Variants in ANKRD12 observed in about 807,000 individuals in gnomAD.
ANKRD12 encodes the protein ankyrin repeat domain 12, also known as ankyrin repeat domain-containing protein 12.
Under a neutral mutation model 183.4 loss-of-function variants are expected in ANKRD12, and 85 were observed. That is an observed-to-expected ratio of 0.46 (90% CI 0.39 to 0.56). The LOEUF (loss-of-function observed/expected upper bound fraction) is 0.56. Among genes scored for constraint, ANKRD12 ranks in the 20% least tolerant of loss-of-function variants. ANKRD12 has a pLI of 0.00. For missense variants in ANKRD12, 2,405 were observed against 2,357.1 expected (o/e 1.02, Z -0.42); for synonymous variants, 914 against 800.2 (o/e 1.14, Z -2.40).
Position 9,251,666 on chromosome 18 carries a change from C to T in ANKRD12, c.944-2545C>T, listed in dbSNP as rs183676253. Among the ~76,000 whole-genome samples the T allele has an allele frequency of 1.7e-3, 264 of 152,072 alleles. 1 individual carries two copies. Among genetic ancestry groups the T allele is most frequent in the South Asian group, 0.013 (61 of 4,808 alleles). The stretch of plus-strand genomic sequence containing the variant: ...AAAATTAGACATGCGTGGTGGCAGG[C>T]GCCTGTAGTCCCAGCTACTTGGGAG... On this transcript the variant is annotated intron_variant, in intron 8 of 12. Transcript: ENST00000262126.
intron 8 of ANKRD12, among the ~76,000 whole-genome samples, chr18:9,242,693 G>A (rs902433809): frequency 1.3e-5 from 2 of 152,150 alleles, no homozygotes; most frequent in Admixed American, 6.5e-5. Context: ...CTGTTTTACT[G>A]ATAATTTAGT....
intron 9 of ANKRD12, among the ~76,000 whole-genome samples, chr18:9,263,310 C>G (rs1219500773): frequency 6.6e-6 from 1 of 152,194 alleles, no homozygotes; most frequent in African/African-American, 2.4e-5. Flanking sequence ...AACAATTTCT[C>G]AGACCATTTC....
Position 9,254,237 on chromosome 18 carries a change from C to T in ANKRD12, c.970C>T (p.Pro324Ser), listed in dbSNP as rs2038465554. 6.3e-7 allele frequency: 1 copy of T among 1,575,784 alleles called. No homozygotes were observed. The highest frequency in any genetic ancestry group is 1.9e-5 in the Admixed American group (1 of 51,616). ...TTCCGAAGAGGCTCAATCTGTAAAT[C>T]CTTCTAGTGTTGATGAAAATATTGA... ...TDSEEAQSVNPSSVDENIDSE... is the reference protein window; with the variant it reads ...TDSEEAQSVNSSSVDENIDSE... Residue 324 changes from proline to serine, a missense_variant, in exon 9 of 13, where the codon CCT (proline) becomes TCT (serine). By Grantham distance (74) the Pro-to-Ser change is moderately conservative (BLOSUM62 -1). This residue lies in a region of ANKRD12 where 1,983 missense variants were observed against 1,725.9 expected (regional missense o/e 1.15). Transcript: ENST00000262126.
intron 1 of ANKRD12, among the ~76,000 whole-genome samples, chr18:9,137,351 GC>G (rs1469307946): frequency 2.0e-5 from 3 of 146,624 alleles, no homozygotes; most frequent in African/African-American, 7.3e-5. Flanking sequence ...CGTCGCGGGC[GC>G]CCCTCACCGC....
chr18:9,259,611 G>C (rs2038851008), intron 9 of ANKRD12: 1 of 152,084 alleles, frequency 6.6e-6, no homozygotes, highest in East Asian at 1.9e-4. Flanking sequence ...GTCAAATATT[G>C]TTCTAAAAGA....
intron 4 of ANKRD12, among the ~76,000 whole-genome samples, chr18:9,207,756 A>C (rs1472566127): frequency 6.6e-6 from 1 of 152,116 alleles, no homozygotes; most frequent in East Asian, 1.9e-4. Flanking sequence ...GGATCAGTAC[A>C]TTCCAGATAT....
At chr18:9,218,397 GGAA>G (rs1393135553) in intron 7 of ANKRD12, among the ~76,000 whole-genome samples, 1 of 152,200 alleles carries the variant, frequency 6.6e-6, no homozygotes, top group Non-Finnish European at 1.5e-5. Context: ...TGCGTTAGGA[GGAA>G]GAATGAGAGC....
intron 8 of ANKRD12, among the ~76,000 whole-genome samples, chr18:9,233,697 G>T (rs780128428): frequency 4.6e-5 from 7 of 152,190 alleles, no homozygotes; most frequent in African/African-American, 9.6e-5. Context: ...AATGTCATTG[G>T]TATCTGTGAT....
In ANKRD12 at chr18:9,254,991, C is replaced by A; in HGVS notation, c.1724C>A (p.Ser575Ter). 6.2e-7 allele frequency: 1 copy of A among 1,608,344 alleles called. No homozygotes were observed. Among genetic ancestry groups the A allele is most frequent in the South Asian group, 1.1e-5 (1 of 89,768 alleles). ...TTATCACCAGGAAGTTCTGAAATGTCATTACAGCCTGATCTTGTTCGGTAT... is the reference window on the plus strand; with the variant it reads ...TTATCACCAGGAAGTTCTGAAATGTAATTACAGCCTGATCTTGTTCGGTAT... The part of the protein sequence containing the change: ...TCLSPGSSEM[S>*]LQPDLVRYDN... The change falls in exon 9 of 13, where the codon TCA (serine) becomes TAA (stop). Residue 575 changes from serine (S) to a stop codon, truncating the protein, a stop_gained. Coordinates refer to ENST00000262126, the MANE Select transcript of ANKRD12 (RefSeq NM_015208.5). LOFTEE classifies it high-confidence loss of function.
chr18:9,208,493 T>C (rs557663434), intron 4 of ANKRD12, among the ~76,000 whole-genome samples, 164 bp from the exon 5 acceptor site: 4 of 152,156 alleles, frequency 2.6e-5, no homozygotes, highest in African/African-American at 9.7e-5. Flanking sequence ...GAAAATTGTT[T>C]ATATAATATA....
chr18:9,262,853 C>T (rs1180742733), intron 9 of ANKRD12, among the ~76,000 whole-genome samples: 13 of 117,034 alleles, frequency 1.1e-4, no homozygotes, highest in Non-Finnish European at 1.6e-4. Context: ...GGCTGGAATG[C>T]AGTGGCATGA....
At chr18:9,162,418 T>C (rs2031550590) in intron 1 of ANKRD12, among the ~76,000 whole-genome samples, 3 of 152,198 alleles carry the variant, frequency 2.0e-5, no homozygotes, top group Non-Finnish European at 2.9e-5. Context: ...CTGTGGTGTA[T>C]GTTTACCACA....
rs564010062 is a variant in ANKRD12, at chr18:9,270,146, T to C, written c.5764-5378T>C. 2.0e-5 allele frequency among the ~76,000 whole-genome samples: 3 copies of C among 152,290 alleles called. No homozygotes were observed. In the South Asian group the frequency reaches 6.2e-4, roughly 32 times the overall value. On this transcript the variant is annotated intron_variant, in intron 10 of 12. Coordinates refer to ENST00000262126, the MANE Select transcript of ANKRD12 (RefSeq NM_015208.5). ...TGGAGAGAATGTGGAGAAATAGGAA[T>C]ACTTTTACACTGTTGGTGGGACTGT...
chr18:9,175,648 C>T (rs1469849408), intron 1 of ANKRD12, among the ~76,000 whole-genome samples: 3 of 146,366 alleles, frequency 2.0e-5, no homozygotes, highest in Admixed American at 1.4e-4. Context: ...AAGCCTTAGC[C>T]TCTTGAGTAG....
At chr18:9,160,625 A>T (rs1410944002) in intron 1 of ANKRD12, among the ~76,000 whole-genome samples, 2 of 152,216 alleles carry the variant, frequency 1.3e-5, no homozygotes, top group African/African-American at 4.8e-5. Flanking sequence ...AGATACTCCG[A>T]TTCAGTAGCT....
intron 8 of ANKRD12, among the ~76,000 whole-genome samples, chr18:9,252,086 G>C (rs182266423): frequency 6.6e-6 from 1 of 152,288 alleles, no homozygotes; most frequent in East Asian, 1.9e-4. Context: ...TTACTTAAGG[G>C]AACTTGAGGA....
chr18:9,235,274 G>A (rs191984527), intron 8 of ANKRD12, among the ~76,000 whole-genome samples: 98 of 152,230 alleles, frequency 6.4e-4, no homozygotes, highest in African/African-American at 2.3e-3. Flanking sequence ...AGGCTGAGGT[G>A]GGAAGATCCC....
At chr18:9,160,801 A>G (rs1000602007) in intron 1 of ANKRD12, among the ~76,000 whole-genome samples, 1 of 152,256 alleles carries the variant, frequency 6.6e-6, no homozygotes, top group African/African-American at 2.4e-5. Flanking sequence ...ATCAAGGAGC[A>G]CCTAATCAAA....
Position 9,255,117 on chromosome 18 carries a change from G to T in ANKRD12, c.1850G>T (p.Gly617Val). 3 of 1,579,124 alleles carry T rather than the reference G, an allele frequency of 1.9e-6. No homozygotes were observed. The highest frequency in any genetic ancestry group is 2.6e-6 in the Non-Finnish European group (3 of 1,169,154). Residue 617 changes from glycine to valine, a missense_variant, in exon 9 of 13, where the codon GGT (glycine) becomes GTT (valine). Physicochemically the swap from Gly to Val is moderately radical, Grantham distance 109. This residue lies in a region of ANKRD12 where 1,983 missense variants were observed against 1,725.9 expected (regional missense o/e 1.15). Transcript: ENST00000262126. ...CAGAAAGATTTCCACTTAGAATTTGGTGAAAAATCAAATGCCAAAATAAAG... is the reference window on the plus strand; with the variant it reads ...CAGAAAGATTTCCACTTAGAATTTGTTGAAAAATCAAATGCCAAAATAAAG... The part of the protein sequence containing the change: ...KHQKDFHLEF[G>V]EKSNAKIKDE...
Sources: gnomAD v4.1 joint callset for allele counts (sites outside exome capture counted in the v4.1 genomes callset) on GRCh38, gnomAD v4.1.1 for gene constraint, gnomAD v4.1.1 regional missense constraint, MANE v1.5 for transcripts, NCBI Gene and HGNC (gene_info 2026-07-23, HGNC 2026-07-21) for gene names.